The following PRKAG2 variants were observed in gnomAD, a reference collection of about 807,000 sequenced individuals.
PRKAG2 encodes protein kinase AMP-activated non-catalytic subunit gamma 2.
In PRKAG2, 26 loss-of-function variants were observed where a neutral mutation model predicts 69.6. The observed-to-expected ratio is 0.37, with a 90% CI of 0.27 to 0.52. The LOEUF (loss-of-function observed/expected upper bound fraction) is 0.52, where lower values mean the gene tolerates loss of function less well. Ranked by LOEUF, PRKAG2 falls within the 20% of genes least tolerant of loss-of-function variation. The probability of loss-of-function intolerance (pLI) is 0.90; values close to 1 mark genes in which losing one functional copy is unlikely to be tolerated. For missense variants in PRKAG2, 557 were observed against 740.0 expected (o/e 0.75, Z 2.87); for synonymous variants, 293 against 285.0 (o/e 1.03, Z -0.28).
intron 4 of PRKAG2, among the ~76,000 whole-genome samples, chr7:151,670,008 G>GCACACACCTGCATGCA (rs567534518): frequency 1.7e-4 from 14 of 84,618 alleles, no homozygotes; most frequent in South Asian, 3.9e-4. Context: ...ACACACCTGT[G>GCACACACCTGCATGCA]CACACACCTG....
intron 1 of PRKAG2, among the ~76,000 whole-genome samples, chr7:151,813,944 G>A (rs189369665): frequency 2.6e-5 from 4 of 152,304 alleles, no homozygotes; most frequent in Admixed American, 2.6e-4. Context: ...TGGGCCAAAG[G>A]TAATAAGTGA....
intron 4 of PRKAG2, among the ~76,000 whole-genome samples, chr7:151,658,442 G>A (rs1475571667): frequency 2.8e-5 from 4 of 142,240 alleles, no homozygotes; most frequent in South Asian, 2.2e-4. Context: ...CCAAGATCAC[G>A]CCATTGCACT....
intron 8 of PRKAG2, 38 bp from the exon 9 acceptor site, chr7:151,572,747 T>TA: frequency 8.4e-7 from 1 of 1,191,978 alleles, no homozygotes; most frequent in Non-Finnish European, 1.2e-6. Flanking sequence ...AATATACATA[T>TA]ACAACATAGA....
chr7:151,784,173 C>T (rs190346675), intron 2 of PRKAG2, among the ~76,000 whole-genome samples: 1 of 152,178 alleles, frequency 6.6e-6, no homozygotes, highest in Admixed American at 6.5e-5. Flanking sequence ...CGACAGCAGC[C>T]TCGAGGGTGT....
At chr7:151,661,364 G>C (rs1830292089) in intron 4 of PRKAG2, among the ~76,000 whole-genome samples, 1 of 152,044 alleles carries the variant, frequency 6.6e-6, no homozygotes, top group South Asian at 2.1e-4. Flanking sequence ...TTTTGGTAGA[G>C]ACGGGATTTC....
At chr7:151,613,906 G>A (rs1227526136) in intron 5 of PRKAG2, among the ~76,000 whole-genome samples, 3 of 150,376 alleles carry the variant, frequency 2.0e-5, no homozygotes, top group Non-Finnish European at 3.0e-5. Context: ...GGGTTCAAGC[G>A]ATTCTCCTGC....
chr7:151,574,118 G>A (rs1808341869), intron 8 of PRKAG2, among the ~76,000 whole-genome samples: 1 of 152,172 alleles, frequency 6.6e-6, no homozygotes. Context: ...TGTATTTGAT[G>A]TAAGAATTAT....
chr7:151,673,757 T>C (rs1054063589), intron 4 of PRKAG2, among the ~76,000 whole-genome samples: 6 of 152,046 alleles, frequency 3.9e-5, no homozygotes, highest in African/African-American at 1.2e-4. Flanking sequence ...CCTGTGAATG[T>C]GACTTTTGGA....
intron 5 of PRKAG2, among the ~76,000 whole-genome samples, chr7:151,619,958 T>C (rs1197943660): frequency 2.0e-5 from 3 of 152,032 alleles, no homozygotes; most frequent in African/African-American, 7.2e-5. Flanking sequence ...GAGGCAGAGG[T>C]TGCAGTGAGC....
intron 1 of PRKAG2, among the ~76,000 whole-genome samples, chr7:151,795,133 C>T (rs538451432): frequency 1.4e-3 from 211 of 152,364 alleles, no homozygotes; most frequent in African/African-American, 5.0e-3. Flanking sequence ...TGCTTGTCTT[C>T]TTCCAGCCTG....
intron 3 of PRKAG2, among the ~76,000 whole-genome samples, chr7:151,773,080 A>G (rs1586427271): frequency 3.8e-5 from 1 of 25,980 alleles, no homozygotes; most frequent in Non-Finnish European, 7.0e-5. Flanking sequence ...GGAGGGAGGG[A>G]GGGAGGGAGG....
intron 4 of PRKAG2, among the ~76,000 whole-genome samples, chr7:151,661,801 C>T (rs1374434658): frequency 6.6e-6 from 1 of 152,174 alleles, no homozygotes; most frequent in Admixed American, 6.5e-5. Context: ...GAAGCTTGTT[C>T]TAAACTTTTC....
intron 5 of PRKAG2, among the ~76,000 whole-genome samples, chr7:151,630,626 GTTC>G (rs1824183104): frequency 6.6e-6 from 1 of 152,216 alleles, no homozygotes; most frequent in South Asian, 2.1e-4. Context: ...CTGCTCTCTA[GTTC>G]TTCTTGCCTC....
intron 8 of PRKAG2, among the ~76,000 whole-genome samples, chr7:151,573,893 C>A (rs1363669994): frequency 2.0e-5 from 3 of 152,144 alleles, no homozygotes; most frequent in Non-Finnish European, 4.4e-5. Flanking sequence ...ATTCTTGTGC[C>A]TCAGCCTCCT....
chr7:151,851,721 G>A (rs1034285424), intron 1 of PRKAG2, among the ~76,000 whole-genome samples: 4 of 152,178 alleles, frequency 2.6e-5, no homozygotes, highest in African/African-American at 9.7e-5. Context: ...TCTTAGAAGT[G>A]GATGCTTCTG....
rs55796379 is a variant in PRKAG2, at chr7:151,674,749, A to G, written c.684+671T>C. On this transcript the variant is annotated intron_variant, in intron 4 of 15. Transcript: ENST00000287878. ...CAAAATCTTAAACCTCTAGAATAACACTTCTGTTTTACTTTTTTTTTTTGC... is the reference window on the plus strand; with the variant it reads ...CAAAATCTTAAACCTCTAGAATAACGCTTCTGTTTTACTTTTTTTTTTTGC... Among the ~76,000 whole-genome samples, 733 of 121,014 alleles carry G rather than the reference A, an allele frequency of 6.1e-3. 4 individuals are homozygous for G. The highest frequency in any genetic ancestry group is 0.022 in the African/African-American group (701 of 31,924). The allele number at this position is 121,014 out of a possible 152,430, so 79.4% of individuals were successfully genotyped here.
At position 151,850,417 on chromosome 7, in the gene PRKAG2, G is replaced by T. The variant is rs1178607959; in HGVS notation, c.114+26090C>A. The stretch of plus-strand genomic sequence containing the variant: ...CATCTTAGAAAGGAAGAAATGAACA[G>T]GAGGCAGAAGGGCAACCTGTCCCAT... On this transcript the variant is annotated intron_variant, in intron 1 of 15. Transcript: ENST00000287878. This position sits in a 1 kb window ranked among gnomAD's most constrained non-coding sequence, Gnocchi z 4.1. Among the ~76,000 whole-genome samples the T allele has an allele frequency of 6.6e-6, 1 of 152,262 alleles. No individual in the cohort carries two copies.
At chr7:151,842,367 G>A (rs569219362) in intron 1 of PRKAG2, among the ~76,000 whole-genome samples, 3 of 132,764 alleles carry the variant, frequency 2.3e-5, no homozygotes, top group Non-Finnish European at 5.0e-5. Context: ...GGTAGGGATG[G>A]TAGTGATGGT....
intron 3 of PRKAG2, among the ~76,000 whole-genome samples, chr7:151,681,477 G>C (rs1372023164): frequency 6.6e-6 from 1 of 152,198 alleles, no homozygotes; most frequent in Non-Finnish European, 1.5e-5. Context: ...TATGTGTGTA[G>C]TTAGGGGCAT....
Sources: allele counts gnomAD v4.1 joint callset (sites outside exome capture counted in the v4.1 genomes callset), GRCh38; gene constraint gnomAD v4.1.1; non-coding constraint Gnocchi (gnomAD v3.1); transcripts MANE v1.5; gene names NCBI Gene and HGNC (gene_info 2026-07-23, HGNC 2026-07-21).